C20orf96: variants seen among roughly 807,000 people sequenced by gnomAD.
C20orf96 encodes the protein uncharacterized protein C20orf96.
In C20orf96, 57 loss-of-function variants were observed where a neutral mutation model predicts 52.6. The ratio of observed to expected loss-of-function variants is 1.08; its 90% CI spans 0.88 to 1.35. The LOEUF is 1.35. C20orf96 is among the 40% of genes most tolerant of loss of function. C20orf96 has a pLI of 0.00. For synonymous variants in C20orf96, 168 were observed against 157.2 expected (o/e 1.07, Z -0.51); for missense variants, 478 against 443.6 (o/e 1.08, Z -0.70).
Position 277,148 on chromosome 20 carries a change from G to T in C20orf96, c.724-3C>A. 1 of 1,613,772 alleles carries T rather than the reference G, an allele frequency of 6.2e-7. No individual in the cohort carries two copies. Among genetic ancestry groups the T allele is most frequent in the South Asian group, 1.1e-5 (1 of 91,060 alleles). On this transcript the variant is annotated splice_polypyrimidine_tract_variant and splice_region_variant and intron_variant, in intron 7 of 10. Coordinates refer to ENST00000360321, the MANE Select transcript of C20orf96 (RefSeq NM_153269.3). The stretch of plus-strand genomic sequence containing the variant: ...TCACCGAGGTCATCCAGCTCATCCT[G>T]GGAGCCAGCAGAAGGGTGTTGGTCA...
rs372622119 is a variant in C20orf96, at chr20:277,264, G to T, written c.685C>A (p.Leu229Ile). Reference sequence around the variant, plus strand: ...TTAACCTGCTGCAGCTGGCGCATAAGAGTGGAGATCTGGACAGACTTGATG... The same window carrying T: ...TTAACCTGCTGCAGCTGGCGCATAATAGTGGAGATCTGGACAGACTTGATG... The part of the protein sequence containing the change: ...YSIKSVQIST[L>I]MRQLQQVKDS... The change falls in exon 7 of 11, where the codon CTT (leucine) becomes ATT (isoleucine). Residue 229 changes from leucine (L) to isoleucine (I), a missense_variant. Physicochemically the swap from Leu to Ile is conservative, Grantham distance 5. Transcript: ENST00000360321. 6.2e-7 allele frequency: 1 copy of T among 1,614,198 alleles called. No homozygotes were observed. The highest frequency in any genetic ancestry group is 8.5e-7 in the Non-Finnish European group (1 of 1,180,038).
intron 3 of C20orf96, among the ~76,000 whole-genome samples, chr20:285,772 C>T (rs111592491): frequency 6.6e-5 from 10 of 152,010 alleles, no homozygotes; most frequent in African/African-American, 2.4e-4. Context: ...AGTAGAGATG[C>T]GGTTTTGCCA....
At chr20:283,831 G>T in intron 4 of C20orf96, 132 bp downstream of exon 4, 1 of 676,482 alleles carries the variant, frequency 1.5e-6, no homozygotes, top group East Asian at 2.6e-5. Context: ...AAGGATAAGC[G>T]TGCTCACACA....
chr20:275,906 G>A, intron 10 of C20orf96, 62 bp downstream of exon 10: 1 of 1,496,780 alleles, frequency 6.7e-7, no homozygotes. Flanking sequence ...CCCAAGAACA[G>A]AGAGCCTCCG....
Position 290,643 on chromosome 20 carries a change from G to A in C20orf96, c.-33C>T. The A allele has an allele frequency of 6.2e-7, 1 of 1,607,968 alleles. No individual in the cohort carries two copies. The highest frequency in any genetic ancestry group is 8.5e-7 in the Non-Finnish European group (1 of 1,178,692). On this transcript the variant is annotated 5_prime_UTR_variant, in exon 1 of 11. Transcript: ENST00000360321. ...AATGGAAGAGAAGTTGCGAGTCTGT[G>A]AGACCCTGATCTTCTGGTATAACTA...
chr20:278,444 G>T lies in C20orf96; in HGVS notation c.466-15C>A, dbSNP rs970554821. ...TCGATGATGGTCTGCGGGAGGGGTG[G>T]AGTCAACTCACCCACAGGCTCTGCT... On this transcript the variant is annotated splice_polypyrimidine_tract_variant and intron_variant, in intron 5 of 10. Coordinates refer to ENST00000360321, the MANE Select transcript of C20orf96 (RefSeq NM_153269.3). 1.2e-6 allele frequency: 2 copies of T among 1,600,086 alleles called. No individual in the cohort carries two copies. Among genetic ancestry groups the T allele is most frequent in the African/African-American group, 2.7e-5 (2 of 74,690 alleles).
At chr20:283,769 G>A (rs2012310789) in intron 4 of C20orf96, among the ~76,000 whole-genome samples, 194 bp downstream of exon 4, 1 of 152,178 alleles carries the variant, frequency 6.6e-6, no homozygotes, top group Non-Finnish European at 1.5e-5. Flanking sequence ...GTGACCTGGT[G>A]CATGTCATTT....
intron 10 of C20orf96, among the ~76,000 whole-genome samples, chr20:273,222 A>G (rs1600182441): frequency 6.6e-6 from 1 of 151,752 alleles, no homozygotes; most frequent in African/African-American, 2.4e-5. Context: ...CAATCCTCCC[A>G]CCTTGGCCTC....
intron 10 of C20orf96, among the ~76,000 whole-genome samples, chr20:273,938 G>GGAGGGAGGGAGGGAGA: frequency 8.7e-6 from 1 of 114,906 alleles, no homozygotes; most frequent in African/African-American, 3.6e-5. Flanking sequence ...AGGGAGGGAG[G>GGAGGGAGGGAGGGAGA]GGAAAGAAAG....
At chr20:278,746 C>T (rs1441830920) in intron 5 of C20orf96, among the ~76,000 whole-genome samples, 1 of 149,080 alleles carries the variant, frequency 6.7e-6, no homozygotes, top group Non-Finnish European at 1.5e-5. Context: ...TCACAGAGCT[C>T]GGGGAGGCAA....
At chr20:276,470 A>C (rs1055397359) in intron 9 of C20orf96, 2 of 985,320 alleles carry the variant, frequency 2.0e-6, no homozygotes, top group African/African-American at 3.5e-5. Context: ...ATTAACACTG[A>C]TAATGGGTGG....
chr20:290,671 C>T lies in C20orf96; in HGVS notation c.-61G>A. 1 of 1,601,864 alleles carries T rather than the reference C, an allele frequency of 6.2e-7. No individual in the cohort carries two copies. The highest frequency in any genetic ancestry group is 1.4e-5 in the African/African-American group (1 of 72,756). ...ACCCTGATCTTCTGGTATAACTACT[C>T]GGCTTTTCCAACTTCCTTGTCTCAG... is the stretch of plus-strand genomic sequence containing the variant. On this transcript the variant is annotated 5_prime_UTR_variant, in exon 1 of 11. Transcript: ENST00000360321.
chr20:278,550 T>TAA (rs2012104936), intron 5 of C20orf96, 121 bp from the exon 6 acceptor site: 1 of 742,358 alleles, frequency 1.3e-6, no homozygotes, highest in Admixed American at 1.9e-5. Flanking sequence ...GACCAGAGGC[T>TAA]AATCGGGACA....
chr20:273,146 T>A (rs1244545985), intron 10 of C20orf96, among the ~76,000 whole-genome samples: 1 of 152,120 alleles, frequency 6.6e-6, no homozygotes. Flanking sequence ...GGCTAACTTT[T>A]GTATTTTTTG....
At chr20:276,945 C>T (rs6132236) in intron 8 of C20orf96, 66 bp from the exon 9 acceptor site, 31 of 1,603,664 alleles carry the variant, frequency 1.9e-5, no homozygotes, top group African/African-American at 2.7e-5. Flanking sequence ...TGGTAGAGAC[C>T]GATGGGGCTG....
chr20:279,077 A>AGGGACGGAGGGC, intron 5 of C20orf96, 95 bp downstream of exon 5: 1 of 446,672 alleles, frequency 2.2e-6, no homozygotes. Context: ...GGAGGGAGGG[A>AGGGACGGAGGGC]GGGACGGAGG....
chr20:271,241 A>T lies in C20orf96; in HGVS notation c.1058T>A (p.Leu353His). ...PKCTPDMDVI[L>H]NIPVEEPLPF ...TAGTGGCTCTTCCACAGGAATGTTGAGGATGACATCCATGTCTGGGGTGCA... is the reference window on the plus strand; with the variant it reads ...TAGTGGCTCTTCCACAGGAATGTTGTGGATGACATCCATGTCTGGGGTGCA... Residue 353 changes from leucine (L) to histidine (H), a missense_variant, in exon 11 of 11, where the codon CTC (leucine) becomes CAC (histidine). Coordinates refer to ENST00000360321, the MANE Select transcript of C20orf96 (RefSeq NM_153269.3). The T allele has an allele frequency of 6.4e-7, 1 of 1,556,934 alleles. No individual in the cohort carries two copies. The highest frequency in any genetic ancestry group is 8.7e-7 in the Non-Finnish European group (1 of 1,149,800).
intron 3 of C20orf96, among the ~76,000 whole-genome samples, chr20:284,701 C>T (rs1421781633): frequency 1.3e-5 from 2 of 152,070 alleles, no homozygotes; most frequent in East Asian, 3.9e-4. Context: ...ATTAAAAATA[C>T]AAAAAATGAG....
chr20:279,710 G>A (rs1812981052), intron 4 of C20orf96, among the ~76,000 whole-genome samples: 1 of 152,158 alleles, frequency 6.6e-6, no homozygotes, highest in African/African-American at 2.4e-5. Context: ...GGTGGCTCAC[G>A]TCTATAATCC....
Sources: gnomAD v4.1 joint callset for allele counts (sites outside exome capture counted in the v4.1 genomes callset) on GRCh38, gnomAD v4.1.1 for gene constraint, MANE v1.5 for transcripts, NCBI Gene and HGNC (gene_info 2026-07-23, HGNC 2026-07-21) for gene names.